The following MYG1 variants were observed in gnomAD, a reference collection of about 807,000 sequenced individuals.
MYG1 encodes UPF0160 protein MYG1, mitochondrial.
A neutral mutation model predicts 43.5 loss-of-function variants in MYG1; 36 were observed. The observed-to-expected ratio is 0.83, with a 90% CI of 0.63 to 1.09. MYG1 has a LOEUF of 1.09. Ranked by LOEUF, MYG1 falls within the 50% of genes least tolerant of loss-of-function variation. The probability of loss-of-function intolerance (pLI) is 0.00; values close to 1 mark genes in which losing one functional copy is unlikely to be tolerated. For missense variants in MYG1, 529 were observed against 495.1 expected (o/e 1.07, Z -0.65); for synonymous variants, 220 against 202.8 (o/e 1.08, Z -0.72).
Position 53,299,764 on chromosome 12 carries a change from C to T in MYG1, c.27C>T (p.Leu9=), listed in dbSNP as rs1453856272. 1.2e-6 allele frequency: 2 copies of T among 1,613,918 alleles called. No homozygotes were observed. The highest frequency in any genetic ancestry group is 1.7e-6 in the Non-Finnish European group (2 of 1,179,930). MGHQFLRG[L]LTLLLPPPPL... is the part of the protein sequence containing the mutation. Reference sequence around the variant, plus strand: ...TGGGACACCAATTCCTGCGCGGCCTCTTAACGCTGCTGCTGCCGCCGCCAC... The same window carrying T: ...TGGGACACCAATTCCTGCGCGGCCTTTTAACGCTGCTGCTGCCGCCGCCAC... The change falls in exon 1 of 7, where the codon CTC becomes CTT. Residue 9 remains leucine (L), a synonymous_variant. Transcript: ENST00000267103.
At chr12:53,304,931 G>T (rs1265194645) in intron 3 of MYG1, among the ~76,000 whole-genome samples, 1 of 141,984 alleles carries the variant, frequency 7.0e-6, no homozygotes, top group Non-Finnish European at 1.5e-5. Context: ...TGCAGTGGCG[G>T]GATCTCGGCT....
chr12:53,302,386 C>G (rs1292760196), intron 2 of MYG1, among the ~76,000 whole-genome samples: 3 of 152,346 alleles, frequency 2.0e-5, no homozygotes, highest in Admixed American at 2.0e-4. Context: ...TTCTGCTTCC[C>G]TAACATCTGT....
intron 3 of MYG1, 181 bp from the exon 4 acceptor site, chr12:53,305,727 A>G (rs1289162391): frequency 1.5e-6 from 1 of 678,270 alleles, no homozygotes; most frequent in Non-Finnish European, 2.3e-6. Flanking sequence ...CAGTCACAGC[A>G]CAACGAGCTG....
chr12:53,299,808 G>A lies in MYG1; in HGVS notation c.71G>A (p.Arg24His), dbSNP rs142904866. The A allele has an allele frequency of 5.2e-5, 84 of 1,613,952 alleles. No individual in the cohort carries two copies. The highest frequency in any genetic ancestry group is 1.6e-4 in the Middle Eastern group (1 of 6,084). Residue 24 changes from arginine (R) to histidine (H), a missense_variant, in exon 1 of 7, where the codon CGC becomes CAC. Physicochemically the swap from Arg to His is conservative, Grantham distance 29. Transcript: ENST00000267103. ...LPPPPLYTRH[R>H]MLGPESVPPP... ...CCGCCACCCCTGTATACCCGGCACC[G>A]CATGCTCGGTCCAGAGTCCGTCCCG... is the stretch of plus-strand genomic sequence containing the variant.
At chr12:53,306,516 G>C in intron 5 of MYG1, 164 bp from the exon 6 acceptor site, 1 of 1,075,330 alleles carries the variant, frequency 9.3e-7, no homozygotes. Context: ...GCTAATTTTT[G>C]TATTTTTTGT....
Position 53,306,285 on chromosome 12 carries a change from G to T in MYG1, c.730G>T (p.Ala244Ser), listed in dbSNP as rs1479289348. The change falls in exon 5 of 7, where the codon GCC becomes TCC. Residue 244 changes from alanine to serine, a missense_variant. Physicochemically the swap from Ala to Ser is moderately conservative, Grantham distance 99 (BLOSUM62 1). Transcript: ENST00000267103. ...CCAACACAGCTGGCTGCCAGCCCGG[G>T]CCTTGGTGGAAGAGGCCCTTGCCCA... ...FYQHSWLPAR[A>S]LVEEALAQRF... 6.2e-7 allele frequency: 1 copy of T among 1,614,112 alleles called. No homozygotes were observed. Among genetic ancestry groups the T allele is most frequent in the Non-Finnish European group, 8.5e-7 (1 of 1,180,048 alleles).
chr12:53,300,363 C>A, intron 2 of MYG1, 101 bp downstream of exon 2: 1 of 866,068 alleles, frequency 1.2e-6, no homozygotes, highest in Non-Finnish European at 1.8e-6. Context: ...GCGAAAAGAA[C>A]TGCTTCATCA....
At chr12:53,305,648 C>A (rs919760711) in intron 3 of MYG1, 1 of 361,030 alleles carries the variant, frequency 2.8e-6, no homozygotes, top group Non-Finnish European at 5.0e-6. Context: ...CCTCCCTACA[C>A]GTGTTGGCTT....
At position 53,305,923 on chromosome 12, in the gene MYG1, G is replaced by C; in HGVS notation, c.505G>C (p.Val169Leu). ...GCTGCCTTAGATGTATGAGAACTTT[G>C]TGGAGGAGGTGGATGCTGTGGACAA... The part of the protein sequence containing the change: ...TLYDKMYENF[V>L]EEVDAVDNGI... Residue 169 changes from valine (V) to leucine (L), a missense_variant, in exon 4 of 7, where the codon GTG becomes CTG. Coordinates refer to ENST00000267103, the MANE Select transcript of MYG1 (RefSeq NM_021640.4). The C allele has an allele frequency of 6.2e-7, 1 of 1,605,396 alleles. No homozygotes were observed. Among genetic ancestry groups the C allele is most frequent in the Non-Finnish European group, 8.5e-7 (1 of 1,176,594 alleles).
intron 3 of MYG1, chr12:53,303,619 T>C: frequency 6.2e-6 from 1 of 161,074 alleles, no homozygotes; most frequent in Non-Finnish European, 1.4e-5. Flanking sequence ...GGCACATAAA[T>C]TGGGAAGCTC....
chr12:53,304,187 C>CT (rs146189276), intron 3 of MYG1, among the ~76,000 whole-genome samples: 4,227 of 152,178 alleles, frequency 0.028, 196 homozygotes, highest in East Asian at 0.14. Flanking sequence ...CCCTCTGTAA[C>CT]TATAGAGTTT....
At chr12:53,305,724 A>G in intron 3 of MYG1, 184 bp from the exon 4 acceptor site, 1 of 665,470 alleles carries the variant, frequency 1.5e-6, no homozygotes, top group Admixed American at 3.5e-5. Context: ...TTCCAGTCAC[A>G]GCACAACGAG....
In MYG1 at chr12:53,304,033, T is replaced by C. The variant is rs570397557; in HGVS notation, c.489+840T>C. On this transcript the variant is annotated intron_variant, in intron 3 of 6. Coordinates refer to ENST00000267103, the MANE Select transcript of MYG1 (RefSeq NM_021640.4). ...TAATTTTTTGTATTTTTAGTAGAGGTGGGGTTTCACCGTGTTAGCCAGGAT... is the reference window on the plus strand; with the variant it reads ...TAATTTTTTGTATTTTTAGTAGAGGCGGGGTTTCACCGTGTTAGCCAGGAT... Among the ~76,000 whole-genome samples, 19 of 151,866 alleles carry C rather than the reference T, an allele frequency of 1.3e-4. No homozygotes were observed. In the East Asian group the frequency reaches 3.7e-3, roughly 30 times the overall value.
At chr12:53,300,082 C>T (rs1944214121) in intron 1 of MYG1, 68 bp from the exon 2 acceptor site, 2 of 1,526,798 alleles carry the variant, frequency 1.3e-6, no homozygotes, top group East Asian at 2.4e-5. Context: ...TCCTGCCTCC[C>T]TGAAGTCCAG....
In MYG1 at chr12:53,306,066, G is replaced by C; in HGVS notation, c.642+6G>C. ...ACCCCGACCAAGACACTGAGGTAAG[G>C]TGGCCTGGGAGGAGACCCGGAGACC... On this transcript the variant is annotated splice_donor_region_variant and intron_variant, in intron 4 of 6. Coordinates refer to ENST00000267103, the MANE Select transcript of MYG1 (RefSeq NM_021640.4). 1 of 1,612,100 alleles carries C rather than the reference G, an allele frequency of 6.2e-7. No individual in the cohort carries two copies. Among genetic ancestry groups the C allele is most frequent in the Non-Finnish European group, 8.5e-7 (1 of 1,179,046 alleles).
At chr12:53,305,766 C>A in intron 3 of MYG1, 142 bp from the exon 4 acceptor site, 4 of 1,108,048 alleles carry the variant, frequency 3.6e-6, no homozygotes, top group East Asian at 2.6e-5. Context: ...GCTGAACTTG[C>A]CAATTCTCCC....
In MYG1 at chr12:53,303,128, A is replaced by G; in HGVS notation, c.424A>G (p.Lys142Glu). ...ACTCATCTATCTGCACTTCGGGCAC[A>G]AGCTGCTGGCCCAGTTGCTGGGCAC... is the stretch of plus-strand genomic sequence containing the variant. ...AGLIYLHFGH[K>E]LLAQLLGTSE... The change falls in exon 3 of 7, where the codon AAG becomes GAG. Residue 142 changes from lysine (K) to glutamate (E), a missense_variant. Lys to Glu is a moderately conservative substitution (Grantham distance 56, BLOSUM62 1). Coordinates refer to ENST00000267103, the MANE Select transcript of MYG1 (RefSeq NM_021640.4). The G allele has an allele frequency of 1.2e-6, 2 of 1,614,166 alleles. No individual in the cohort carries two copies. The highest frequency in any genetic ancestry group is 1.1e-5 in the South Asian group (1 of 91,086).
chr12:53,306,425 C>G (rs1944282244), intron 5 of MYG1, 105 bp downstream of exon 5: 1 of 1,515,002 alleles, frequency 6.6e-7, no homozygotes, highest in African/African-American at 1.4e-5. Context: ...TGGCAGACAA[C>G]CTCAACCTCT....
In MYG1 at chr12:53,306,743, T is replaced by C. The variant is rs1461459550; in HGVS notation, c.829T>C (p.Tyr277His). 9.3e-6 allele frequency: 15 copies of C among 1,614,100 alleles called. No individual in the cohort carries two copies. Among genetic ancestry groups the C allele is most frequent in the Non-Finnish European group, 1.3e-5 (15 of 1,180,030 alleles). ...TGCATGTCCCTGGAAGGAGCATCTC[T>C]ACCACCTGGAATCTGGGCTGTCCCC... ...KGACPWKEHL[Y>H]HLESGLSPPV... Residue 277 changes from tyrosine to histidine, a missense_variant, in exon 6 of 7, where the codon TAC becomes CAC. Physicochemically the swap from Tyr to His is moderately conservative, Grantham distance 83. Transcript: ENST00000267103.
Sources: allele counts gnomAD v4.1 joint callset (sites outside exome capture counted in the v4.1 genomes callset), GRCh38; gene constraint gnomAD v4.1.1; transcripts MANE v1.5; gene names NCBI Gene and HGNC (gene_info 2026-07-23, HGNC 2026-07-21).